TMEM244: variants seen among roughly 807,000 people sequenced by gnomAD.
The protein encoded by TMEM244 is transmembrane protein 244.
A neutral mutation model predicts 15.8 loss-of-function variants in TMEM244; 13 were observed. The ratio of observed to expected loss-of-function variants is 0.82; its 90% confidence interval spans 0.53 to 1.30. The LOEUF is 1.30. Among genes scored for constraint, TMEM244 ranks in the 50% most tolerant of loss-of-function variants. TMEM244 has a pLI of 0.00. For synonymous variants in TMEM244, 45 were observed against 48.7 expected (o/e 0.92, Z 0.32); for missense variants, 161 against 144.9 (o/e 1.11, Z -0.57).
At chr6:129,842,256 C>A (rs888607813) in intron 3 of TMEM244, among the ~76,000 whole-genome samples, 1 of 152,070 alleles carries the variant, frequency 6.6e-6, no homozygotes, top group Admixed American at 6.6e-5. Flanking sequence ...ACACATGGCC[C>A]ATACTTGACT....
At chr6:129,832,180 C>T (rs1435050103) in intron 4 of TMEM244, among the ~76,000 whole-genome samples, 1 of 148,708 alleles carries the variant, frequency 6.7e-6, no homozygotes, top group Admixed American at 6.7e-5. Flanking sequence ...TTACTGCAAC[C>T]TCTGCCTCCT....
At chr6:129,858,330 G>A (rs1776747839) in intron 1 of TMEM244, among the ~76,000 whole-genome samples, 1 of 152,090 alleles carries the variant, frequency 6.6e-6, no homozygotes, top group African/African-American at 2.4e-5. Flanking sequence ...ATTCTTTTGT[G>A]AAATCTAGGC....
At chr6:129,846,030 T>C (rs1776556548) in intron 1 of TMEM244, among the ~76,000 whole-genome samples, 178 bp from the exon 2 acceptor site, 1 of 152,232 alleles carries the variant, frequency 6.6e-6, no homozygotes, top group Non-Finnish European at 1.5e-5. Context: ...TCTTTAGCGG[T>C]ATAATTTTCT....
At chr6:129,852,184 C>CA (rs979047064) in intron 1 of TMEM244, among the ~76,000 whole-genome samples, 1 of 151,914 alleles carries the variant, frequency 6.6e-6, no homozygotes, top group Non-Finnish European at 1.5e-5. Flanking sequence ...TTCATTATAC[C>CA]ATTTTATTTA....
At chr6:129,831,958 G>C (rs1337034738) in intron 4 of TMEM244, among the ~76,000 whole-genome samples, 3 of 152,142 alleles carry the variant, frequency 2.0e-5, no homozygotes, top group Admixed American at 2.0e-4. Context: ...GATTGTTTGA[G>C]TTACTGAGGG....
rs1452346067 is a variant in TMEM244 at position 129,845,864 on chromosome 6, A to G, written c.34-12T>C. 11 of 1,597,514 alleles carry G rather than the reference A, an allele frequency of 6.9e-6. No homozygotes were observed. Among genetic ancestry groups the G allele is most frequent in the Admixed American group, 1.7e-5 (1 of 58,954 alleles). On this transcript the variant is annotated splice_polypyrimidine_tract_variant and intron_variant, in intron 1 of 4. Transcript: ENST00000368143. ...TTCTGCAAAACAACCTGTGGAGAAA[A>G]CAGGCATGAGGTCCAAGAGCCTGGG... is the stretch of plus-strand genomic sequence containing the variant.
chr6:129,844,814 C>T (rs77126850), intron 2 of TMEM244, among the ~76,000 whole-genome samples: 1,811 of 152,334 alleles, frequency 0.012, 29 homozygotes, highest in African/African-American at 0.042. Context: ...TGCTGAATAA[C>T]ATTCTTTCCA....
chr6:129,838,122 C>G (rs1776434683), intron 3 of TMEM244, among the ~76,000 whole-genome samples: 1 of 152,196 alleles, frequency 6.6e-6, no homozygotes, highest in Admixed American at 6.5e-5. Flanking sequence ...AATATACATT[C>G]TTCTCAGCAC....
intron 3 of TMEM244, among the ~76,000 whole-genome samples, chr6:129,836,993 A>T (rs1029819735): frequency 1.3e-5 from 2 of 152,220 alleles, no homozygotes; most frequent in Non-Finnish European, 2.9e-5. Flanking sequence ...CAAGTTAGAA[A>T]ACACTCTTCA....
Position 129,833,589 on chromosome 6 carries a change from C to T in TMEM244, c.194-4G>A, listed in dbSNP as rs1776361318. 2 of 1,609,730 alleles carry T rather than the reference C, an allele frequency of 1.2e-6. No individual in the cohort carries two copies. The highest frequency in any genetic ancestry group is 1.7e-6 in the Non-Finnish European group (2 of 1,178,228). ...ACCTCTGTTGAAACTAAAAGAACTG[C>T]AAATACAAGGAAGAATATAATTATT... On this transcript the variant is annotated splice_polypyrimidine_tract_variant and splice_region_variant and intron_variant, in intron 3 of 4. Transcript: ENST00000368143.
chr6:129,843,454 T>G lies in TMEM244; in HGVS notation c.193+76A>C, dbSNP rs76289085. On this transcript the variant is annotated intron_variant, in intron 3 of 4. Coordinates refer to ENST00000368143, the MANE Select transcript of TMEM244 (RefSeq NM_001010876.2). ...GCGAGACAGGCCTGATATTTAAAAT[T>G]TTTTTATTAAAAAATTTATGGGGTT... 315 of 1,038,102 alleles carry G rather than the reference T, an allele frequency of 3.0e-4. 1 individual carries two copies. In the East Asian group the frequency reaches 6.2e-3, roughly 21 times the overall value. The allele number at this position is 1,038,102 out of a possible 1,614,324, so 64.3% of individuals were successfully genotyped here. A position where few individuals can be genotyped will look rare whatever the true frequency, so the allele number is the denominator to read the frequency against.
intron 4 of TMEM244, 113 bp downstream of exon 4, chr6:129,833,347 A>G (rs1418636746): frequency 8.4e-7 from 1 of 1,191,142 alleles, no homozygotes; most frequent in Admixed American, 3.2e-5. Flanking sequence ...AGTTTTTATC[A>G]TCTAGCTATC....
intron 1 of TMEM244, among the ~76,000 whole-genome samples, chr6:129,853,725 G>C (rs1291263203): frequency 6.6e-6 from 1 of 152,150 alleles, no homozygotes; most frequent in Non-Finnish European, 1.5e-5. Flanking sequence ...AGAGGAAAGT[G>C]CTACTGATTT....
intron 1 of TMEM244, among the ~76,000 whole-genome samples, chr6:129,857,169 T>C (rs1053287693): frequency 6.6e-6 from 1 of 152,006 alleles, no homozygotes; most frequent in Non-Finnish European, 1.5e-5. Flanking sequence ...GTATTTTCAT[T>C]GATTGTTTTG....
intron 3 of TMEM244, among the ~76,000 whole-genome samples, chr6:129,834,323 A>C (rs1179458831): frequency 2.6e-5 from 4 of 152,200 alleles, no homozygotes; most frequent in Admixed American, 2.6e-4. Context: ...ATGTTTTCAA[A>C]AGAGAGATCC....
intron 1 of TMEM244, among the ~76,000 whole-genome samples, chr6:129,857,852 G>GTATATATATATGTACATATATATGTATA (rs1776738600): frequency 6.7e-6 from 1 of 148,952 alleles, no homozygotes; most frequent in Non-Finnish European, 1.5e-5. Flanking sequence ...ACATATATAT[G>GTATATATATATGTACATATATATGTATA]TATATATATA....
chr6:129,837,249 A>C (rs1441991965), intron 3 of TMEM244, among the ~76,000 whole-genome samples: 1 of 152,240 alleles, frequency 6.6e-6, no homozygotes, highest in Non-Finnish European at 1.5e-5. Context: ...TACAAACCAG[A>C]AAAGAGTGGG....
intron 1 of TMEM244, among the ~76,000 whole-genome samples, chr6:129,847,011 G>C (rs1181532989): frequency 6.6e-6 from 1 of 152,082 alleles, no homozygotes; most frequent in East Asian, 1.9e-4. Flanking sequence ...GGGATTAAAG[G>C]CTTAAATGCC....
chr6:129,853,611 T>G (rs1213325176), intron 1 of TMEM244, among the ~76,000 whole-genome samples: 4 of 152,200 alleles, frequency 2.6e-5, no homozygotes, highest in African/African-American at 9.6e-5. Context: ...TCATCTTTTT[T>G]GATCAAAATA....
Sources: gnomAD v4.1 joint callset for allele counts (sites outside exome capture counted in the v4.1 genomes callset) on GRCh38, gnomAD v4.1.1 for gene constraint, MANE v1.5 for transcripts, NCBI Gene and HGNC (gene_info 2026-07-23, HGNC 2026-07-21) for gene names.